The following RUVBL2 variants were observed in gnomAD, a reference collection of about 807,000 sequenced individuals.
RUVBL2 encodes RuvB like AAA ATPase 2.
RUVBL2 carries 9 observed loss-of-function variants against 57.9 expected under a neutral mutation model. The observed-to-expected ratio is 0.16, with a 90% CI of 0.09 to 0.27. The LOEUF is 0.27. Among genes scored for constraint, RUVBL2 ranks in the 10% least tolerant of loss-of-function variants. The pLI, the probability that RUVBL2 is intolerant of heterozygous loss-of-function variation, is 1.00. For synonymous variants in RUVBL2, 278 were observed against 264.6 expected (o/e 1.05, Z -0.49); for missense variants, 456 against 669.6 (o/e 0.68, Z 3.52).
intron 4 of RUVBL2, among the ~76,000 whole-genome samples, chr19:49,005,260 G>A (rs1466648302): frequency 6.6e-6 from 1 of 152,240 alleles, no homozygotes; most frequent in Non-Finnish European, 1.5e-5. Context: ...GTAACAGCCA[G>A]GTCTTCAGTG....
chr19:49,015,536 G>C (rs2039529442), intron 13 of RUVBL2, 36 bp from the exon 14 acceptor site: 1 of 1,497,868 alleles, frequency 6.7e-7, no homozygotes, highest in African/African-American at 1.4e-5. Context: ...GCCTCACGGA[G>C]AGGGGCCCAA....
intron 1 of RUVBL2, among the ~76,000 whole-genome samples, chr19:48,995,535 C>T (rs2039039504): frequency 6.6e-6 from 1 of 151,680 alleles, no homozygotes; most frequent in Admixed American, 6.6e-5. Flanking sequence ...ACTGCATGTC[C>T]TCTCTAGGGG....
Position 48,999,384 on chromosome 19 carries a change from T to C in RUVBL2, c.67+11T>C. On this transcript the variant is annotated intron_variant, in intron 2 of 14. Coordinates refer to ENST00000595090, the MANE Select transcript of RUVBL2 (RefSeq NM_006666.3). ...GGATTGAGCGAATCGGTGAGTGAGT[T>C]GGGTCAGGAATAGGACCTAAGCCCT... 1 of 1,614,146 alleles carries C rather than the reference T, an allele frequency of 6.2e-7. No homozygotes were observed. The highest frequency in any genetic ancestry group is 1.1e-5 in the South Asian group (1 of 91,088).
Position 48,993,923 on chromosome 19 carries a change from T to G in RUVBL2, c.12T>G (p.Val4=). The G allele has an allele frequency of 1.9e-6, 3 of 1,613,832 alleles. No individual in the cohort carries two copies. The highest frequency in any genetic ancestry group is 2.5e-6 in the Non-Finnish European group (3 of 1,179,944). Residue 4 remains valine, a splice_region_variant and synonymous_variant, in exon 1 of 15, where the codon GTT becomes GTG. Transcript: ENST00000595090. MAT[V]TATTKVPEIR... ...AGTTGGTGAGCATCATGGCAACCGT[T>G]GTAAGTGTGGGTGCATGGAGGGTGA...
Position 49,003,288 on chromosome 19 carries a change from C to T in RUVBL2, c.77C>T (p.Ser26Phe), listed in dbSNP as rs1221534981. 2 of 1,613,270 alleles carry T rather than the reference C, an allele frequency of 1.2e-6. No homozygotes were observed. Among genetic ancestry groups the T allele is most frequent in the Non-Finnish European group, 1.7e-6 (2 of 1,179,560 alleles). ...CTTTCCCTTCATGTAGGTGCCCACT[C>T]CCACATCCGGGGACTGGGGCTGGAC... ...VTRIERIGAH[S>F]HIRGLGLDDA... The change falls in exon 3 of 15, where the codon TCC becomes TTC. Residue 26 changes from serine to phenylalanine, a missense_variant. By Grantham distance (155) the Ser-to-Phe change is radical (BLOSUM62 -2). Around this residue, in one of 5 missense-constraint regions of RUVBL2, gnomAD observed 4 missense variants for 25.3 expected, o/e 0.16. Coordinates refer to ENST00000595090, the MANE Select transcript of RUVBL2 (RefSeq NM_006666.3).
At chr19:48,996,675 G>GTAA (rs2039068499) in intron 1 of RUVBL2, among the ~76,000 whole-genome samples, 1 of 152,166 alleles carries the variant, frequency 6.6e-6, no homozygotes, top group South Asian at 2.1e-4. Flanking sequence ...ACAGGCACCT[G>GTAA]CCACCACGCC....
At position 49,010,081 on chromosome 19, in the gene RUVBL2, C is replaced by T; in HGVS notation, c.663+15C>T. 3 of 1,606,056 alleles carry T rather than the reference C, an allele frequency of 1.9e-6. No homozygotes were observed. The highest frequency in any genetic ancestry group is 1.7e-6 in the Non-Finnish European group (2 of 1,176,744). On this transcript the variant is annotated intron_variant, in intron 8 of 14. Transcript: ENST00000595090. The stretch of plus-strand genomic sequence containing the variant: ...TGGGCTCCCAGGTGCGGCCGGGACT[C>T]CCGGGATCCCCTCGCCCCCAGCACT...
chr19:49,014,712 G>A (rs2039507349), intron 12 of RUVBL2, 109 bp downstream of exon 12: 27 of 1,446,990 alleles, frequency 1.9e-5, no homozygotes, highest in Non-Finnish European at 2.4e-5. Flanking sequence ...TGGGCCTACA[G>A]GAGAGAGGGC....
At chr19:49,014,959 A>T (rs1009005385) in intron 12 of RUVBL2, 62 bp from the exon 13 acceptor site, 66 of 1,550,346 alleles carry the variant, frequency 4.3e-5, no homozygotes, top group Non-Finnish European at 5.7e-5. Flanking sequence ...TGCTGTGGCC[A>T]CTTCTGCTGC....
At chr19:49,015,270 C>T in intron 13 of RUVBL2, 120 bp downstream of exon 13, 2 of 1,395,594 alleles carry the variant, frequency 1.4e-6, no homozygotes, top group Non-Finnish European at 1.9e-6. Flanking sequence ...AGGGAATTTT[C>T]ATCCCTCAGG....
rs1008669899 is a variant in RUVBL2 at position 49,007,207 on chromosome 19, C to T, written c.395+60C>T. ...AGAGCCTGGGAGCAACCCCGCACCC[C>T]GGGCGGCTCGTCCTTTGTCCCAGAG... On this transcript the variant is annotated intron_variant, in intron 5 of 14. Coordinates refer to ENST00000595090, the MANE Select transcript of RUVBL2 (RefSeq NM_006666.3). The T allele has an allele frequency of 1.9e-5, 30 of 1,608,286 alleles. No individual in the cohort carries two copies. The African/African-American group carries it at 2.3e-4, about 12-fold the overall frequency.
At chr19:49,015,506 C>A in intron 13 of RUVBL2, 66 bp from the exon 14 acceptor site, 1 of 1,212,704 alleles carries the variant, frequency 8.2e-7, no homozygotes, top group Non-Finnish European at 1.2e-6. Flanking sequence ...AGGTGGCATA[C>A]GCTGGGGTCT....
At chr19:48,996,972 T>C (rs1204092930) in intron 1 of RUVBL2, among the ~76,000 whole-genome samples, 3 of 152,054 alleles carry the variant, frequency 2.0e-5, no homozygotes, top group Admixed American at 1.3e-4. Context: ...CTGTTGTTTT[T>C]TTTTTTTCTT....
intron 1 of RUVBL2, chr19:48,994,451 C>T (rs1381224529): frequency 6.4e-6 from 1 of 156,130 alleles, no homozygotes; most frequent in Non-Finnish European, 1.4e-5. Flanking sequence ...GGATTAGGGA[C>T]CCAGAAATCG....
chr19:48,993,980 G>A (rs2038999532), intron 1 of RUVBL2, 57 bp downstream of exon 1: 13 of 1,600,932 alleles, frequency 8.1e-6, no homozygotes, highest in Non-Finnish European at 1.1e-5. Flanking sequence ...GTTTGAGAGA[G>A]GAGGATGCTG....
chr19:49,015,719 G>A (rs1335421199), intron 14 of RUVBL2, 33 bp downstream of exon 14: 1 of 1,611,804 alleles, frequency 6.2e-7, no homozygotes. Context: ...TGCACTGCCA[G>A]AGCCAACCTC....
At position 49,003,292 on chromosome 19, in the gene RUVBL2, C is replaced by T; in HGVS notation, c.81C>T (p.His27=). ...TRIERIGAHS[H]IRGLGLDDAL... Reference sequence around the variant, plus strand: ...CCCTTCATGTAGGTGCCCACTCCCACATCCGGGGACTGGGGCTGGACGATG... The same window carrying T: ...CCCTTCATGTAGGTGCCCACTCCCATATCCGGGGACTGGGGCTGGACGATG... Residue 27 remains histidine, a synonymous_variant, in exon 3 of 15, where the codon CAC becomes CAT. Transcript: ENST00000595090. 2 of 1,614,068 alleles carry T rather than the reference C, an allele frequency of 1.2e-6. No individual in the cohort carries two copies. Among genetic ancestry groups the T allele is most frequent in the Non-Finnish European group, 8.5e-7 (1 of 1,179,962 alleles).
In RUVBL2 at chr19:49,015,001, CT is replaced by C. The variant is rs1196413804; in HGVS notation, c.1122-19del. 6.9e-6 allele frequency: 11 copies of C among 1,583,586 alleles called. No homozygotes were observed. Among genetic ancestry groups the C allele is most frequent in the Non-Finnish European group, 9.4e-6 (11 of 1,166,058 alleles). ...AGGCTGGGCCCCGGCTGAGCCACCC[CT>C]GTCCCCCACTGCTTGCAGGTGCGAG... On this transcript the variant is annotated intron_variant, in intron 12 of 14. Coordinates refer to ENST00000595090, the MANE Select transcript of RUVBL2 (RefSeq NM_006666.3).
At chr19:48,993,680 G>T, upstream of RUVBL2, 1 of 607,638 alleles carries the variant, frequency 1.6e-6, no homozygotes, top group Non-Finnish European at 2.9e-6. Context: ...CTGAGCAAAA[G>T]GAGGAGGAGC....
Sources: gnomAD v4.1 joint callset for allele counts (sites outside exome capture counted in the v4.1 genomes callset) on GRCh38, gnomAD v4.1.1 for gene constraint, gnomAD v4.1.1 regional missense constraint, MANE v1.5 for transcripts, NCBI Gene and HGNC (gene_info 2026-07-23, HGNC 2026-07-21) for gene names.